Variants in GFI1B observed in about 807,000 individuals in gnomAD.
GFI1B encodes the protein zinc finger protein Gfi-1b.
Under a neutral mutation model 35.3 loss-of-function variants are expected in GFI1B, and 20 were observed. That is an observed-to-expected ratio of 0.57 (90% confidence interval 0.40 to 0.82). The LOEUF is 0.82. GFI1B is among the 40% of genes least tolerant of loss of function. GFI1B has a pLI of 0.00. For missense variants in GFI1B, 430 were observed against 446.3 expected, an observed-to-expected ratio of 0.96 and a Z score of 0.33; for synonymous variants, 178 against 177.6, an observed-to-expected ratio of 1.00 and a Z score of -0.02.
intron 1 of GFI1B, among the ~76,000 whole-genome samples, chr9:132,984,735 C>A (rs1446263958): frequency 1.3e-5 from 2 of 152,192 alleles, no homozygotes; most frequent in Non-Finnish European, 2.9e-5. Flanking sequence ...CAGTGATGAG[C>A]CTTACAGCAG....
At position 132,987,224 on chromosome 9, in the gene GFI1B, C is replaced by A. The variant is rs919892709; in HGVS notation, c.101-58C>A. ...CTAGGAAGGGCGTGCCCTCCTTGCT[C>A]CCTCTGGGCTTCCCAGAAACCGTGG... On this transcript the variant is annotated intron_variant, in intron 2 of 6. Coordinates refer to ENST00000372122, the MANE Select transcript of GFI1B (RefSeq NM_001377304.1). The A allele has an allele frequency of 3.0e-4, 466 of 1,579,030 alleles. 2 individuals carry two copies. Among genetic ancestry groups the A allele is most frequent in the Middle Eastern group, 3.3e-4 (2 of 6,042 alleles).
chr9:132,980,551 T>C (rs1357803180), intron 1 of GFI1B, among the ~76,000 whole-genome samples: 3 of 152,206 alleles, frequency 2.0e-5, no homozygotes, highest in Non-Finnish European at 2.9e-5. Context: ...TTTTAGCCAT[T>C]TTCAAGCGTA....
rs1849188410 is a variant in GFI1B at position 132,989,076 on chromosome 9, C to T, written c.526C>T (p.His176Tyr). The T allele has an allele frequency of 2.5e-6, 4 of 1,613,920 alleles. No homozygotes were observed. Among genetic ancestry groups the T allele is most frequent in the Non-Finnish European group, 2.5e-6 (3 of 1,179,902 alleles). The stretch of plus-strand genomic sequence containing the variant: ...CTGCTCCCAGGTCTTCTCCACCCCT[C>T]ACGGGCTCGAAGTGCATGTGCGACG... ...VKCNKVFSTP[H>Y]GLEVHVRRSH... The change falls in exon 5 of 7, where the codon CAC (histidine) becomes TAC (tyrosine). Residue 176 changes from histidine to tyrosine, a missense_variant. Transcript: ENST00000372122. This position sits in a 1 kb window ranked among gnomAD's most constrained non-coding sequence, Gnocchi z 6.2.
intron 1 of GFI1B, among the ~76,000 whole-genome samples, chr9:132,970,077 G>A (rs1165515778): frequency 1.3e-5 from 2 of 152,168 alleles, no homozygotes; most frequent in East Asian, 1.9e-4. Context: ...GAACCCCATC[G>A]ATGGGAGAAG....
At chr9:132,962,438 C>T (rs557927237) in intron 1 of GFI1B, 3 of 381,146 alleles carry the variant, frequency 7.9e-6, no homozygotes, top group East Asian at 1.6e-4. Context: ...TCTCCTGGCC[C>T]ATAAAAGATT....
chr9:132,989,047 G>C lies in GFI1B; in HGVS notation c.511-14G>C. 1 of 1,613,722 alleles carries C rather than the reference G, an allele frequency of 6.2e-7. No homozygotes were observed. Among genetic ancestry groups the C allele is most frequent in the Non-Finnish European group, 8.5e-7 (1 of 1,179,676 alleles). On this transcript the variant is annotated splice_polypyrimidine_tract_variant and intron_variant, in intron 4 of 6. Coordinates refer to ENST00000372122, the MANE Select transcript of GFI1B (RefSeq NM_001377304.1). The surrounding 1 kb of genome is among the most constrained non-coding windows in gnomAD (Gnocchi z 6.2). ...GCAGCCCCCAGTGGCCTCACATGCT[G>C]CCCCTGCTCCCAGGTCTTCTCCACC...
At chr9:132,980,614 C>T (rs1254094892) in intron 1 of GFI1B, among the ~76,000 whole-genome samples, 2 of 152,218 alleles carry the variant, frequency 1.3e-5, no homozygotes, top group South Asian at 2.1e-4. Flanking sequence ...TCACCACCAT[C>T]CATCCACAGA....
intron 1 of GFI1B, among the ~76,000 whole-genome samples, chr9:132,949,507 G>T (rs559333135): frequency 5.8e-4 from 88 of 152,106 alleles, no homozygotes; most frequent in Non-Finnish European, 1.0e-3. Flanking sequence ...CACAACTGCA[G>T]GGGGACCATT....
chr9:132,959,150 C>T (rs549211016), intron 1 of GFI1B, among the ~76,000 whole-genome samples: 54 of 152,238 alleles, frequency 3.5e-4, no homozygotes, highest in African/African-American at 1.1e-3. Flanking sequence ...TCATCTTGAA[C>T]GGTAGTTCCC....
chr9:132,951,794 G>A lies in GFI1B; in HGVS notation c.-701+6125G>A, dbSNP rs1441509077. On this transcript the variant is annotated intron_variant, in intron 1 of 10. Transcript: ENST00000339463. ...TATTTTATTATTTATTTTTGAGACA[G>A]TGTCTCACTCCAGTCCAGACTAGAG... The A allele has an allele frequency of 3.9e-5, 6 of 152,124 alleles. No homozygotes were observed. In the East Asian group the frequency reaches 1.2e-3, roughly 29 times the overall value. 9.4% of individuals were successfully genotyped at this position (152,124 alleles called of 1,614,324 possible).
In GFI1B at chr9:132,949,005, C is replaced by T. The variant is rs1437336444; in HGVS notation, c.-701+3336C>T. Among the ~76,000 whole-genome samples, 4 of 152,332 alleles carry T rather than the reference C, an allele frequency of 2.6e-5. No individual in the cohort carries two copies. The East Asian group carries it at 5.8e-4, about 22-fold the overall frequency. On this transcript the variant is annotated intron_variant, in intron 1 of 10. Coordinates refer to the GFI1B transcript ENST00000339463. ...TGGCCGTGAGGCACAGCTCCTGCTG[C>T]GTGGCCTGTCTCACCCGTGGTGTTA...
intron 1 of GFI1B, among the ~76,000 whole-genome samples, chr9:132,985,760 A>G (rs975130498): frequency 6.6e-6 from 1 of 152,246 alleles, no homozygotes; most frequent in Non-Finnish European, 1.5e-5. Context: ...GGATAGGCCC[A>G]GAGAGGTTAA....
intron 1 of GFI1B, among the ~76,000 whole-genome samples, chr9:132,970,944 A>T (rs1197713137): frequency 4.6e-5 from 7 of 152,206 alleles, no homozygotes; most frequent in Admixed American, 4.6e-4. Context: ...AATCAAGCTG[A>T]CATCACCTAA....
chr9:132,982,481 C>T (rs1018442458), intron 1 of GFI1B, among the ~76,000 whole-genome samples: 2 of 152,202 alleles, frequency 1.3e-5, no homozygotes, highest in Non-Finnish European at 2.9e-5. Context: ...GATTCTGACT[C>T]AGGGTCAGGG....
In GFI1B at chr9:132,978,842, G is replaced by A. The variant is rs1172108377; in HGVS notation, c.-21+1G>A. On this transcript the variant is annotated splice_donor_variant, in intron 1 of 6. Transcript: ENST00000372122. LOFTEE classifies it low-confidence loss of function (5UTR_SPLICE). Reference sequence around the variant, plus strand: ...CCAGGCGAGGGACAGCTCCGGACAGGTGAGTGCTGGAGGATGCGTTTCTAC... The same window carrying A: ...CCAGGCGAGGGACAGCTCCGGACAGATGAGTGCTGGAGGATGCGTTTCTAC... 6.6e-6 allele frequency: 1 copy of A among 152,358 alleles called. No individual in the cohort carries two copies. Among genetic ancestry groups the A allele is most frequent in the African/African-American group, 2.4e-5 (1 of 41,454 alleles). 9.4% of individuals were successfully genotyped at this position (152,358 alleles called of 1,614,324 possible).
At chr9:132,957,479 A>C (rs1307778847) in intron 1 of GFI1B, among the ~76,000 whole-genome samples, 2 of 152,224 alleles carry the variant, frequency 1.3e-5, no homozygotes, top group Admixed American at 1.3e-4. Context: ...CAACAATGAC[A>C]TACTAGCATC....
At chr9:132,982,231 G>T (rs944045532) in intron 1 of GFI1B, among the ~76,000 whole-genome samples, 2 of 152,226 alleles carry the variant, frequency 1.3e-5, no homozygotes, top group African/African-American at 4.8e-5. Flanking sequence ...TAGAGCAAAA[G>T]GGAAGTTTAG....
intron 1 of GFI1B, chr9:132,946,550 A>G (rs779195484): frequency 2.0e-5 from 3 of 152,272 alleles, no homozygotes; most frequent in Non-Finnish European, 2.9e-5. Flanking sequence ...GAAACGGGGA[A>G]GGGTCTGGGT....
chr9:132,986,842 G>A (rs746101008), intron 2 of GFI1B, 64 bp downstream of exon 2: 365 of 977,246 alleles, frequency 3.7e-4, no homozygotes, highest in Non-Finnish European at 5.2e-4. Context: ...TGCGTGATGA[G>A]GGTGCAGCAG....
Sources: allele counts gnomAD v4.1 joint callset (sites outside exome capture counted in the v4.1 genomes callset), GRCh38; gene constraint gnomAD v4.1.1; non-coding constraint Gnocchi (gnomAD v3.1); transcripts MANE v1.5; gene names NCBI Gene and HGNC (gene_info 2026-07-23, HGNC 2026-07-21).